GLMN: variants seen among roughly 807,000 people sequenced by gnomAD.
GLMN encodes glomulin, FKBP associated protein.
Under a neutral mutation model 87.8 loss-of-function variants are expected in GLMN, and 75 were observed. The ratio of observed to expected loss-of-function variants is 0.85; its 90% CI spans 0.71 to 1.04. The LOEUF (loss-of-function observed/expected upper bound fraction) is 1.04. Among genes scored for constraint, GLMN ranks in the 50% least tolerant of loss-of-function variants. The pLI, the probability that GLMN is intolerant of heterozygous loss-of-function variation, is 0.00. For synonymous variants in GLMN, 206 were observed against 221.6 expected (o/e 0.93, Z 0.63); for missense variants, 588 against 658.8 (o/e 0.89, Z 1.18).
the GLMN span, among the ~76,000 whole-genome samples, chr1:92,362,766 T>C: frequency 6.6e-6 from 1 of 152,150 alleles, no homozygotes; most frequent in East Asian, 1.9e-4. Flanking sequence ...CATTATAATG[T>C]TTTTTATCAC....
the GLMN span, among the ~76,000 whole-genome samples, chr1:92,325,356 T>C: frequency 1.3e-5 from 2 of 152,254 alleles, no homozygotes. Context: ...CTATAGAGTG[T>C]TGCTTGGCCC....
At chr1:92,366,695 GTATA>G in the GLMN span, among the ~76,000 whole-genome samples, 4 of 152,170 alleles carry the variant, frequency 2.6e-5, no homozygotes, top group Admixed American at 6.5e-5. Flanking sequence ...GGAGCATGCA[GTATA>G]TATTGTATAT....
chr1:92,253,037 G>T (rs1338521151), intron 16 of GLMN, among the ~76,000 whole-genome samples: 1 of 152,178 alleles, frequency 6.6e-6, no homozygotes, highest in Non-Finnish European at 1.5e-5. Context: ...AAAAAGCCAT[G>T]AACAAGACCC....
intron 7 of GLMN, among the ~76,000 whole-genome samples, chr1:92,275,124 C>T (rs946427500): frequency 6.6e-6 from 1 of 152,342 alleles, no homozygotes. Context: ...CTCAGTACTA[C>T]TGACTCATGC....
At chr1:92,292,825 C>T (rs1174642158) in intron 3 of GLMN, among the ~76,000 whole-genome samples, 2 of 147,932 alleles carry the variant, frequency 1.4e-5, no homozygotes, top group African/African-American at 5.0e-5. Context: ...CTCAGGAGTT[C>T]AAGACCAGCC....
At chr1:92,333,520 C>T in the GLMN span, 4 of 1,310,896 alleles carry the variant, frequency 3.1e-6, no homozygotes, top group Non-Finnish European at 4.4e-6. Flanking sequence ...TTTAAATTAA[C>T]TTGACATTTA....
chr1:92,343,533 A>G, the GLMN span, among the ~76,000 whole-genome samples: 1 of 152,216 alleles, frequency 6.6e-6, no homozygotes, highest in Admixed American at 6.5e-5. Flanking sequence ...TAATGTAACA[A>G]AATATATCCT....
chr1:92,298,142 T>G, intron 1 of GLMN, 113 bp from the exon 2 acceptor site: 1 of 624,012 alleles, frequency 1.6e-6, no homozygotes, highest in East Asian at 2.8e-5. Context: ...ATGGAAAGTT[T>G]TTGTTGTTGT....
the GLMN span, among the ~76,000 whole-genome samples, chr1:92,341,056 T>C: frequency 6.6e-6 from 1 of 152,180 alleles, no homozygotes; most frequent in Admixed American, 6.5e-5. Context: ...TCACCCAGGT[T>C]GGACTGCCGT....
the GLMN span, among the ~76,000 whole-genome samples, chr1:92,306,009 A>G: frequency 6.6e-6 from 1 of 152,234 alleles, no homozygotes; most frequent in Admixed American, 6.5e-5. Flanking sequence ...TGGATAAACA[A>G]TGTCGTATAT....
At chr1:92,301,518 T>G (rs1650857149), upstream of GLMN, 1 of 1,596,124 alleles carries the variant, frequency 6.3e-7, no homozygotes, top group Non-Finnish European at 8.5e-7. Context: ...AGATTGAATT[T>G]GAGAGAAAAG....
At chr1:92,250,764 G>C (rs1318790806) in intron 16 of GLMN, among the ~76,000 whole-genome samples, 1 of 152,046 alleles carries the variant, frequency 6.6e-6, no homozygotes, top group Non-Finnish European at 1.5e-5. Context: ...CTGTTCATGA[G>C]GTAATTTCAG....
chr1:92,324,607 C>G, the GLMN span, among the ~76,000 whole-genome samples: 1 of 152,232 alleles, frequency 6.6e-6, no homozygotes, highest in Middle Eastern at 3.4e-3. Flanking sequence ...ATATTTTTTT[C>G]TAATGTAAAA....
At chr1:92,369,551 T>C in the GLMN span, among the ~76,000 whole-genome samples, 2 of 152,124 alleles carry the variant, frequency 1.3e-5, no homozygotes, top group African/African-American at 4.8e-5. Context: ...ACAGTCTTCC[T>C]ACCTCAGCCT....
chr1:92,274,014 A>G (rs954910812), intron 7 of GLMN, among the ~76,000 whole-genome samples: 2 of 152,216 alleles, frequency 1.3e-5, no homozygotes, highest in Admixed American at 1.3e-4. Context: ...AACTTGTACC[A>G]AAGTGAGGAT....
chr1:92,330,832 A>C, the GLMN span, among the ~76,000 whole-genome samples: 1 of 152,194 alleles, frequency 6.6e-6, no homozygotes, highest in Non-Finnish European at 1.5e-5. Context: ...AGTGCTTACT[A>C]TACAATGTGT....
At chr1:92,281,092 C>T (rs1451322598) in intron 7 of GLMN, among the ~76,000 whole-genome samples, 1 of 152,134 alleles carries the variant, frequency 6.6e-6, no homozygotes, top group Non-Finnish European at 1.5e-5. Flanking sequence ...GGCAGGCCAA[C>T]ATTCAAATTC....
the GLMN span, among the ~76,000 whole-genome samples, chr1:92,314,012 G>A: frequency 0.02 from 2,974 of 152,270 alleles, 50 homozygotes; most frequent in Non-Finnish European, 0.029. Context: ...TCTGGATTAG[G>A]CTTAAGGGAA....
the GLMN span, chr1:92,324,060 AG>A: frequency 8.1e-6 from 13 of 1,613,980 alleles, no homozygotes; most frequent in East Asian, 2.2e-5. Flanking sequence ...GGAAGACAGA[AG>A]AAACATTGAG....
Sources: gnomAD v4.1 joint callset for allele counts (sites outside exome capture counted in the v4.1 genomes callset) on GRCh38, gnomAD v4.1.1 for gene constraint, MANE v1.5 for transcripts, NCBI Gene and HGNC (gene_info 2026-07-23, HGNC 2026-07-21) for gene names.